Variants in RIMBP2 observed in about 807,000 individuals in gnomAD.
RIMBP2 encodes RIMS-binding protein 2.
Under a neutral mutation model 118.6 loss-of-function variants are expected in RIMBP2, and 48 were observed. The observed-to-expected ratio is 0.40, with a 90% CI of 0.32 to 0.51. RIMBP2 has a LOEUF of 0.51. Among genes scored for constraint, RIMBP2 ranks in the 20% least tolerant of loss-of-function variants. The probability of loss-of-function intolerance (pLI) is 0.41; values close to 1 mark genes in which losing one functional copy is unlikely to be tolerated. For missense variants in RIMBP2, 1,551 were observed against 1,768.3 expected, an observed-to-expected ratio of 0.88 and a Z score of 2.20; for synonymous variants, 762 against 742.9, an observed-to-expected ratio of 1.03 and a Z score of -0.42.
At chr12:130,562,505 C>T (rs1401015949) in intron 2 of RIMBP2, among the ~76,000 whole-genome samples, 1 of 152,212 alleles carries the variant, frequency 6.6e-6, no homozygotes, top group Non-Finnish European at 1.5e-5. Flanking sequence ...GTCACCTTTG[C>T]TTGACAGCAA....
chr12:130,548,061 G>C (rs955975610), intron 2 of RIMBP2, among the ~76,000 whole-genome samples: 1 of 152,158 alleles, frequency 6.6e-6, no homozygotes, highest in African/African-American at 2.4e-5. Flanking sequence ...TCTGGTGACT[G>C]ACCATGATCC....
intron 10 of RIMBP2, among the ~76,000 whole-genome samples, chr12:130,443,233 A>G (rs1163489446): frequency 4.6e-5 from 7 of 150,970 alleles, no homozygotes; most frequent in Admixed American, 3.3e-4. Context: ...TGTCAGAACC[A>G]CAAGTTGTGT....
intron 14 of RIMBP2, chr12:130,429,112 C>T (rs941589621): frequency 6.6e-6 from 1 of 152,338 alleles, no homozygotes; most frequent in Non-Finnish European, 1.5e-5. Flanking sequence ...ACAAACAAAA[C>T]AAAAGACACT....
rs1176495924 is a variant in RIMBP2 at position 130,581,644 on chromosome 12, G to C, written c.-217+46678C>G. Among the ~76,000 whole-genome samples, 3 of 152,160 alleles carry C rather than the reference G, an allele frequency of 2.0e-5. No individual in the cohort carries two copies. Among genetic ancestry groups the C allele is most frequent in the Non-Finnish European group, 4.4e-5 (3 of 68,024 alleles). ...CTTCCTCTGTTCTCTTTGTCCTGTG[G>C]ACTCTGACTTCAGGACATACCCGGA... On this transcript the variant is annotated intron_variant, in intron 2 of 22. Transcript: ENST00000690449. This position sits in a 1 kb window ranked among gnomAD's most constrained non-coding sequence, Gnocchi z 4.4.
chr12:130,576,958 GC>G lies in RIMBP2; in HGVS notation c.-217+51363del, dbSNP rs2058131338. 1.3e-5 allele frequency among the ~76,000 whole-genome samples: 2 copies of G among 152,314 alleles called. No homozygotes were observed. The highest frequency in any genetic ancestry group is 3.9e-4 in the East Asian group (2 of 5,178). On this transcript the variant is annotated intron_variant, in intron 2 of 22. Coordinates refer to ENST00000690449, the MANE Select transcript of RIMBP2 (RefSeq NM_001393629.1). The surrounding 1 kb of genome is among the most constrained non-coding windows in gnomAD (Gnocchi z 4.2). ...GGGACAAAGAGAAGCGAAGGGGATG[GC>G]CCAGACCTTCACAGAGGAGACAAAA...
At chr12:130,453,684 C>G (rs1240416732) in intron 7 of RIMBP2, among the ~76,000 whole-genome samples, 1 of 152,110 alleles carries the variant, frequency 6.6e-6, no homozygotes, top group Non-Finnish European at 1.5e-5. Context: ...GGGGCCGGGC[C>G]GGGGGCTGTT....
At chr12:130,591,798 G>A (rs1593943295) in intron 2 of RIMBP2, among the ~76,000 whole-genome samples, 1 of 152,240 alleles carries the variant, frequency 6.6e-6, no homozygotes, top group African/African-American at 2.4e-5. Flanking sequence ...CATATTCCCA[G>A]GTTCTAGTGA....
chr12:130,701,497 C>T (rs369433167), intron 1 of RIMBP2, among the ~76,000 whole-genome samples: 2 of 152,094 alleles, frequency 1.3e-5, no homozygotes, highest in Non-Finnish European at 2.9e-5. Flanking sequence ...CACTCAGGGG[C>T]GGAGAGCAGC....
At chr12:130,486,160 T>C (rs1467305598) in intron 4 of RIMBP2, among the ~76,000 whole-genome samples, 2 of 152,098 alleles carry the variant, frequency 1.3e-5, no homozygotes, top group Admixed American at 1.3e-4. Flanking sequence ...TCGGCTGAGA[T>C]TCTCCCACTA....
chr12:130,446,391 G>A lies in RIMBP2; in HGVS notation c.582-1122C>T, dbSNP rs1178364734. Among the ~76,000 whole-genome samples the A allele has an allele frequency of 6.6e-6, 1 of 152,220 alleles. No homozygotes were observed. The highest frequency in any genetic ancestry group is 1.5e-5 in the Non-Finnish European group (1 of 68,044). On this transcript the variant is annotated intron_variant, in intron 9 of 22. Coordinates refer to ENST00000690449, the MANE Select transcript of RIMBP2 (RefSeq NM_001393629.1). The surrounding 1 kb of genome is among the most constrained non-coding windows in gnomAD (Gnocchi z 4.1). Reference sequence around the variant, plus strand: ...TAAGGTCCCCAGTCTCAATGGCTGAGTGAGGTCAGGCAACATGCCCAAAGT... The same window carrying A: ...TAAGGTCCCCAGTCTCAATGGCTGAATGAGGTCAGGCAACATGCCCAAAGT...
rs539767989 is a variant in RIMBP2, at chr12:130,469,229, C to A, written c.153+1464G>T. 1 of 152,724 alleles carries A rather than the reference C, an allele frequency of 6.5e-6. No individual in the cohort carries two copies. Among genetic ancestry groups the A allele is most frequent in the South Asian group, 2.1e-4 (1 of 4,826 alleles). The allele number at this position is 152,724 out of a possible 1,614,324, so 9.5% of individuals were successfully genotyped here. A position where few individuals can be genotyped will look rare whatever the true frequency, so the allele number is the denominator to read the frequency against. On this transcript the variant is annotated intron_variant, in intron 6 of 22. Transcript: ENST00000690449. This position sits in a 1 kb window ranked among gnomAD's most constrained non-coding sequence, Gnocchi z 4.8. ...GACGCCGTAAATAAAAGACACAATT[C>A]CCAGCACATCCGAATTGCCTTGTTT...
intron 15 of RIMBP2, chr12:130,425,456 ACAGCGC>A (rs1322199146): frequency 6.6e-6 from 1 of 152,474 alleles, no homozygotes; most frequent in Non-Finnish European, 1.5e-5. Context: ...GGCCCCACCA[ACAGCGC>A]CCGCACACCA....
intron 10 of RIMBP2, among the ~76,000 whole-genome samples, chr12:130,444,525 G>A (rs1019732450): frequency 6.6e-6 from 1 of 152,168 alleles, no homozygotes; most frequent in Non-Finnish European, 1.5e-5. Context: ...AGGGAATTAG[G>A]GAATCAAATC....
intron 1 of RIMBP2, among the ~76,000 whole-genome samples, chr12:130,664,117 A>G (rs184848667): frequency 1.3e-5 from 2 of 151,880 alleles, no homozygotes; most frequent in East Asian, 3.9e-4. Flanking sequence ...AAAAAAATAA[A>G]AATAAAAAAG....
intron 7 of RIMBP2, among the ~76,000 whole-genome samples, chr12:130,456,213 G>A (rs1416364870): frequency 6.6e-6 from 1 of 152,170 alleles, no homozygotes; most frequent in Admixed American, 6.5e-5. Context: ...CAGCATCTGT[G>A]TGACCCACAC....
intron 2 of RIMBP2, among the ~76,000 whole-genome samples, chr12:130,596,017 T>C (rs1157282169): frequency 6.6e-6 from 1 of 152,180 alleles, no homozygotes; most frequent in Non-Finnish European, 1.5e-5. Flanking sequence ...CCAAGAAGTA[T>C]GGTAGAAAGA....
chr12:130,401,617 T>G (rs1348787332), intron 21 of RIMBP2, among the ~76,000 whole-genome samples: 1 of 151,766 alleles, frequency 6.6e-6, no homozygotes, highest in Non-Finnish European at 1.5e-5. Flanking sequence ...CCGGCTCCAT[T>G]ATTAGCTTAT....
chr12:130,664,426 CACAT>C lies in RIMBP2; in HGVS notation c.-351-35974_-351-35971del, dbSNP rs1229228617. On this transcript the variant is annotated intron_variant, in intron 1 of 22. Transcript: ENST00000690449. ...ACGCACGCACGCACACACACGCACA[CACAT>C]GCATGCACGCACACACGCACACACA... Among the ~76,000 whole-genome samples the C allele has an allele frequency of 3.5e-4, 31 of 87,962 alleles. 2 individuals carry two copies. Among genetic ancestry groups the C allele is most frequent in the African/African-American group, 1.1e-3 (29 of 26,980 alleles). The allele number at this position is 87,962 out of a possible 152,430, so 57.7% of individuals were successfully genotyped here.
At position 130,414,284 on chromosome 12, in the gene RIMBP2, A is replaced by T. The variant is rs114594741; in HGVS notation, c.3261T>A (p.Leu1087=). ...PSIDDYGRDR[L]SPDFYEESET... ...CTGACTCTTCATAGAAGTCTGGAGA[A>T]AGGCGGTCTCGCCCGTAATCGTCTG... The change falls in exon 18 of 23, where the codon CTT becomes CTA. Residue 1087 remains leucine, a synonymous_variant. Transcript: ENST00000690449. 1 of 1,602,540 alleles carries T rather than the reference A, an allele frequency of 6.2e-7. No individual in the cohort carries two copies. Among genetic ancestry groups the T allele is most frequent in the East Asian group, 2.2e-5 (1 of 44,716 alleles).
Sources: allele counts gnomAD v4.1 joint callset (sites outside exome capture counted in the v4.1 genomes callset), GRCh38; gene constraint gnomAD v4.1.1; non-coding constraint Gnocchi (gnomAD v3.1); transcripts MANE v1.5; gene names NCBI Gene and HGNC (gene_info 2026-07-23, HGNC 2026-07-21).